LRRC1: variants seen among roughly 807,000 people sequenced by gnomAD.
LRRC1 encodes the protein leucine rich repeat containing 1, also known as leucine-rich repeat-containing protein 1.
Under a neutral mutation model 69.9 loss-of-function variants are expected in LRRC1, and 28 were observed. The observed-to-expected ratio is 0.40, with a 90% CI of 0.30 to 0.55. The LOEUF (loss-of-function observed/expected upper bound fraction) is 0.55, where lower values mean the gene tolerates loss of function less well. Ranked by LOEUF, LRRC1 falls within the 20% of genes least tolerant of loss-of-function variation. LRRC1 has a pLI of 0.47. For missense variants in LRRC1, 498 were observed against 609.0 expected (o/e 0.82, Z 1.92); for synonymous variants, 236 against 240.2 (o/e 0.98, Z 0.16).
At chr6:53,908,285 A>C (rs1044036716) in intron 10 of LRRC1, among the ~76,000 whole-genome samples, 2 of 152,220 alleles carry the variant, frequency 1.3e-5, no homozygotes, top group African/African-American at 4.8e-5. Flanking sequence ...AGAGACGCCA[A>C]CTAAGCCACA....
intron 9 of LRRC1, among the ~76,000 whole-genome samples, chr6:53,904,134 C>T (rs1055164523): frequency 6.6e-6 from 1 of 152,222 alleles, no homozygotes; most frequent in Non-Finnish European, 1.5e-5. Flanking sequence ...CAAGATGATT[C>T]CCTGTTCCCA....
At position 53,900,020 on chromosome 6, in the gene LRRC1, G is replaced by GTTTT. The variant is rs869246243; in HGVS notation, c.787+159_787+162dup. ...TGTGGCTCCTTAAAGTCTCCTTACT[G>GTTTT]TTTTTTTTTTTTTTTTTTTTTTTTT... On this transcript the variant is annotated intron_variant, in intron 8 of 13. Transcript: ENST00000370888. 47 of 190,420 alleles carry GTTTT rather than the reference G, an allele frequency of 2.5e-4. 1 individual carries two copies. The highest frequency in any genetic ancestry group is 5.3e-4 in the South Asian group (8 of 14,990). The allele number at this position is 190,420 out of a possible 1,614,324, so 11.8% of individuals were successfully genotyped here. A position where few individuals can be genotyped will look rare whatever the true frequency, so the allele number is the denominator to read the frequency against.
chr6:53,845,951 T>C (rs1367721784), intron 2 of LRRC1, among the ~76,000 whole-genome samples: 9 of 152,274 alleles, frequency 5.9e-5, no homozygotes, highest in Admixed American at 3.3e-4. Context: ...CACCCTCCCA[T>C]GTGGAAGATA....
chr6:53,795,422 G>A lies in LRRC1; in HGVS notation c.159+7G>A. The A allele has an allele frequency of 6.2e-7, 1 of 1,608,722 alleles. No homozygotes were observed. The highest frequency in any genetic ancestry group is 1.3e-5 in the African/African-American group (1 of 75,026). On this transcript the variant is annotated splice_region_variant and intron_variant, in intron 1 of 13. Transcript: ENST00000370888. ...GCTCCGCGAGCTGCCCGAGGTAAGGGTCCGGCCTCACCTGAGCGCTCTGCC... is the reference window on the plus strand; with the variant it reads ...GCTCCGCGAGCTGCCCGAGGTAAGGATCCGGCCTCACCTGAGCGCTCTGCC...
At chr6:53,904,324 G>A in intron 9 of LRRC1, 55 bp from the exon 10 acceptor site, 4 of 1,057,538 alleles carry the variant, frequency 3.8e-6, no homozygotes, top group Non-Finnish European at 5.8e-6. Flanking sequence ...CTTATTTACT[G>A]TGAGCCATGT....
intron 1 of LRRC1, among the ~76,000 whole-genome samples, chr6:53,811,539 C>G (rs2127405679): frequency 6.6e-6 from 1 of 152,236 alleles, no homozygotes; most frequent in East Asian, 1.9e-4. Context: ...CTGAGCTGCT[C>G]ACACACAGGA....
chr6:53,917,331 G>A (rs1768599058), intron 11 of LRRC1, among the ~76,000 whole-genome samples: 2 of 152,240 alleles, frequency 1.3e-5, no homozygotes, highest in East Asian at 3.9e-4. Flanking sequence ...GCTCATGTGT[G>A]GTGTGGACTC....
chr6:53,899,806 A>G lies in LRRC1; in HGVS notation c.702A>G (p.Arg234=), dbSNP rs1221684501. 6.2e-7 allele frequency: 1 copy of G among 1,614,020 alleles called. No homozygotes were observed. The highest frequency in any genetic ancestry group is 8.5e-7 in the Non-Finnish European group (1 of 1,179,986). The change falls in exon 8 of 14, where the codon AGA becomes AGG. Residue 234 remains arginine, a synonymous_variant. Transcript: ENST00000370888. ...CLDVSENRLE[R]LPEEISGLTS... ...ATGTCTCTGAAAACAGGTTGGAAAGACTTCCTGAAGAAATCAGTGGCCTGA... is the reference window on the plus strand; with the variant it reads ...ATGTCTCTGAAAACAGGTTGGAAAGGCTTCCTGAAGAAATCAGTGGCCTGA...
chr6:53,844,733 C>T (rs1282540363), intron 2 of LRRC1, among the ~76,000 whole-genome samples: 2 of 152,182 alleles, frequency 1.3e-5, no homozygotes, highest in African/African-American at 4.8e-5. Context: ...AGGGATCCTG[C>T]AGAACGTTCA....
intron 1 of LRRC1, among the ~76,000 whole-genome samples, chr6:53,807,744 T>A (rs1342419112): frequency 2.5e-5 from 2 of 80,408 alleles, no homozygotes; most frequent in Non-Finnish European, 5.3e-5. Context: ...AAACTCCGTG[T>A]CGTCAACAAC....
At chr6:53,900,608 C>A (rs1190536611) in intron 8 of LRRC1, among the ~76,000 whole-genome samples, 1 of 152,118 alleles carries the variant, frequency 6.6e-6, no homozygotes, top group Non-Finnish European at 1.5e-5. Flanking sequence ...CTGACTTATT[C>A]CATGACCTAA....
At chr6:53,894,148 C>T (rs1767793268) in intron 4 of LRRC1, among the ~76,000 whole-genome samples, 3 of 152,154 alleles carry the variant, frequency 2.0e-5, no homozygotes, top group Admixed American at 2.0e-4. Flanking sequence ...AGGGTGAGGG[C>T]AGGAGCTTTG....
rs545428045 is a variant in LRRC1, at chr6:53,831,571, C to T, written c.160-10539C>T. Among the ~76,000 whole-genome samples the T allele has an allele frequency of 2.6e-5, 4 of 152,266 alleles. No individual in the cohort carries two copies. The East Asian group carries it at 7.7e-4, about 29-fold the overall frequency. On this transcript the variant is annotated intron_variant, in intron 1 of 13. Coordinates refer to ENST00000370888, the MANE Select transcript of LRRC1 (RefSeq NM_018214.5). ...TATTAACTGGTTAGTCAGGTCCCTC[C>T]CTGACCCTTCAAGATCTCCTGATAA...
intron 1 of LRRC1, among the ~76,000 whole-genome samples, chr6:53,832,061 C>T (rs890155548): frequency 1.3e-5 from 2 of 152,152 alleles, no homozygotes; most frequent in South Asian, 2.1e-4. Context: ...ATCTTCCTAA[C>T]GCAGTTCCTC....
At position 53,882,657 on chromosome 6, in the gene LRRC1, A is replaced by T. The variant is rs73432409; in HGVS notation, c.357-230A>T. On this transcript the variant is annotated intron_variant, in intron 3 of 13. Transcript: ENST00000370888. ...CTACTTTAATTATTTCTAGATCACC[A>T]TAACAATGTGTTTATCATGCCCCTG... 3.6e-3 allele frequency among the ~76,000 whole-genome samples: 550 copies of T among 152,276 alleles called. 4 individuals carry two copies. Among genetic ancestry groups the T allele is most frequent in the African/African-American group, 0.013 (533 of 41,552 alleles).
chr6:53,919,337 A>G, intron 11 of LRRC1, 161 bp from the exon 12 acceptor site: 1 of 496,664 alleles, frequency 2.0e-6, no homozygotes, highest in Non-Finnish European at 3.3e-6. Flanking sequence ...TCCACTTGCA[A>G]AGAGTATGTT....
At chr6:53,801,395 A>G (rs1468956700) in intron 1 of LRRC1, among the ~76,000 whole-genome samples, 1 of 152,254 alleles carries the variant, frequency 6.6e-6, no homozygotes, top group Non-Finnish European at 1.5e-5. Context: ...GAGCTAAAGC[A>G]TAGAGAAGAC....
At chr6:53,898,203 C>T (rs1380684391) in intron 7 of LRRC1, among the ~76,000 whole-genome samples, 6 of 152,100 alleles carry the variant, frequency 3.9e-5, no homozygotes, top group Non-Finnish European at 7.4e-5. Flanking sequence ...CATGATGTCA[C>T]CTAATGACTA....
chr6:53,840,923 T>TGCGC (rs1233714174), intron 1 of LRRC1, among the ~76,000 whole-genome samples: 3 of 139,958 alleles, frequency 2.1e-5, no homozygotes, highest in African/African-American at 7.9e-5. Context: ...TGTGTGTGTG[T>TGCGC]GTGTGCGTGC....
Sources: allele counts gnomAD v4.1 joint callset (sites outside exome capture counted in the v4.1 genomes callset), GRCh38; gene constraint gnomAD v4.1.1; transcripts MANE v1.5; gene names NCBI Gene and HGNC (gene_info 2026-07-23, HGNC 2026-07-21).